The following NPAS2 variants were observed in gnomAD, a reference collection of about 807,000 sequenced individuals.
The protein encoded by NPAS2 is neuronal PAS domain protein 2, also known as neuronal PAS domain-containing protein 2.
A neutral mutation model predicts 107.5 loss-of-function variants in NPAS2; 23 were observed. The ratio of observed to expected loss-of-function variants is 0.21; its 90% CI spans 0.15 to 0.30. The LOEUF (loss-of-function observed/expected upper bound fraction) is 0.30, where lower values mean the gene tolerates loss of function less well. NPAS2 is among the 10% of genes least tolerant of loss of function. The pLI is 1.00. For missense variants in NPAS2, 756 were observed against 1,043.3 expected (o/e 0.72, Z 3.79); for synonymous variants, 403 against 417.5 (o/e 0.97, Z 0.42).
intron 2 of NPAS2, among the ~76,000 whole-genome samples, chr2:100,924,656 C>A (rs1210807567): frequency 6.6e-6 from 1 of 152,210 alleles, no homozygotes; most frequent in East Asian, 1.9e-4. Flanking sequence ...TTGCCTCCCC[C>A]AACAGGGCGA....
chr2:100,835,397 G>A (rs1676993168), intron 1 of NPAS2, among the ~76,000 whole-genome samples: 2 of 152,182 alleles, frequency 1.3e-5, no homozygotes, highest in African/African-American at 2.4e-5. Context: ...TTTTTCTTGA[G>A]CAGGAGGTCA....
chr2:100,965,538 T>C lies in NPAS2; in HGVS notation c.801-122T>C. ...GATTTTGACCATTACAAAGTTATTT[T>C]TCTCCCCTTGTTCTTGAGAAATGAG... On this transcript the variant is annotated intron_variant, in intron 9 of 20. Coordinates refer to ENST00000335681, the MANE Select transcript of NPAS2 (RefSeq NM_002518.4). This position sits in a 1 kb window ranked among gnomAD's most constrained non-coding sequence, Gnocchi z 4.3. 1.6e-6 allele frequency: 1 copy of C among 630,254 alleles called. No individual in the cohort carries two copies. The highest frequency in any genetic ancestry group is 2.8e-6 in the Non-Finnish European group (1 of 356,498). The allele number at this position is 630,254 out of a possible 1,614,324, so 39.0% of individuals were successfully genotyped here.
chr2:100,990,424 T>G lies in NPAS2; in HGVS notation c.1996T>G (p.Phe666Val), dbSNP rs777811242. The change falls in exon 18 of 21, where the codon TTC becomes GTC. Residue 666 changes from phenylalanine to valine, a missense_variant. Phe to Val is a conservative substitution (Grantham distance 50). This residue lies in a region of NPAS2 where 496 missense variants were observed against 594.4 expected (regional missense o/e 0.83). Coordinates refer to ENST00000335681, the MANE Select transcript of NPAS2 (RefSeq NM_002518.4). ...DASQCQPSPD[F>V]SHDRQLRLLL... ...CAGCCAGTGCCAGCCCAGCCCAGAC[T>G]TCAGCCATGATCGGCAGCTCAGGTA... 3 of 1,614,116 alleles carry G rather than the reference T, an allele frequency of 1.9e-6. No individual in the cohort carries two copies. In the East Asian group the frequency reaches 6.7e-5, roughly 36 times the overall value.
At chr2:100,861,059 G>T (rs1219269766) in intron 1 of NPAS2, among the ~76,000 whole-genome samples, 1 of 150,906 alleles carries the variant, frequency 6.6e-6, no homozygotes, top group African/African-American at 2.4e-5. Context: ...TGAAGACGAG[G>T]TCTCACTTTG....
At chr2:100,898,939 A>T (rs774259485) in intron 1 of NPAS2, among the ~76,000 whole-genome samples, 1 of 152,226 alleles carries the variant, frequency 6.6e-6, no homozygotes, top group Non-Finnish European at 1.5e-5. Context: ...TGTTGACAGC[A>T]TGATGTGATA....
At chr2:100,977,568 G>A in intron 14 of NPAS2, 142 bp from the exon 15 acceptor site, 1 of 689,028 alleles carries the variant, frequency 1.5e-6, no homozygotes, top group Non-Finnish European at 2.6e-6. Flanking sequence ...CCAGGGAACA[G>A]ACACCTATAC....
intron 1 of NPAS2, among the ~76,000 whole-genome samples, chr2:100,822,140 C>T (rs1676108000): frequency 6.6e-6 from 1 of 152,184 alleles, no homozygotes; most frequent in South Asian, 2.1e-4. Context: ...GTTTTATTCT[C>T]ACTGCTTCCC....
intron 7 of NPAS2, among the ~76,000 whole-genome samples, chr2:100,957,664 C>T (rs1675649652): frequency 6.6e-6 from 1 of 151,970 alleles, no homozygotes; most frequent in South Asian, 2.1e-4. Flanking sequence ...CGGTGGCTCG[C>T]GCCTGTAATC....
intron 1 of NPAS2, among the ~76,000 whole-genome samples, chr2:100,825,890 A>G (rs983787600): frequency 1.2e-4 from 19 of 152,192 alleles, no homozygotes; most frequent in African/African-American, 4.1e-4. Context: ...GGAAGAATGC[A>G]AAGGTGAAGA....
chr2:100,905,080 T>C (rs530679322), intron 2 of NPAS2, among the ~76,000 whole-genome samples: 7 of 152,314 alleles, frequency 4.6e-5, no homozygotes, highest in Admixed American at 3.9e-4. Flanking sequence ...GGGCTTCTGG[T>C]TACTGCTTTT....
intron 1 of NPAS2, among the ~76,000 whole-genome samples, chr2:100,853,298 C>G (rs1167091767): frequency 1.3e-5 from 2 of 152,172 alleles, no homozygotes; most frequent in East Asian, 3.9e-4. Context: ...CTGAAAAGAA[C>G]AGCATCATAT....
At chr2:100,916,741 T>G (rs141073829) in intron 2 of NPAS2, among the ~76,000 whole-genome samples, 337 of 152,262 alleles carry the variant, frequency 2.2e-3, no homozygotes, top group Admixed American at 4.6e-3. Context: ...TTATACAACA[T>G]TCCACTCAGC....
At chr2:100,896,857 C>A (rs1414334051) in intron 1 of NPAS2, among the ~76,000 whole-genome samples, 3 of 152,052 alleles carry the variant, frequency 2.0e-5, no homozygotes, top group African/African-American at 7.3e-5. Flanking sequence ...CTTCTTCATT[C>A]CTCATGCATT....
chr2:100,934,837 C>T lies in NPAS2; in HGVS notation c.273+1836C>T, dbSNP rs1684197598. ...CATAGCATGGGTCTCTCTCCAGCTG[C>T]CCATCTCTCTGTTTTTTTTCAGAGC... On this transcript the variant is annotated intron_variant, in intron 4 of 20. Coordinates refer to ENST00000335681, the MANE Select transcript of NPAS2 (RefSeq NM_002518.4). 5 of 985,336 alleles carry T rather than the reference C, an allele frequency of 5.1e-6. No individual in the cohort carries two copies. In the South Asian group the frequency reaches 2.3e-4, roughly 46 times the overall value. The allele number at this position is 985,336 out of a possible 1,614,324, so 61.0% of individuals were successfully genotyped here.
In NPAS2 at chr2:100,968,519, C is replaced by A; in HGVS notation, c.1055+91C>A. ...GTGGCCCCTGATGGCCAAGTCAGAT[C>A]AGCAGTCACTCAGGTGTTCCCCATT... is the stretch of plus-strand genomic sequence containing the variant. On this transcript the variant is annotated intron_variant, in intron 11 of 20. Transcript: ENST00000335681. The surrounding 1 kb of genome is among the most constrained non-coding windows in gnomAD (Gnocchi z 5.3). The A allele has an allele frequency of 1.6e-6, 2 of 1,247,840 alleles. No homozygotes were observed. The highest frequency in any genetic ancestry group is 1.1e-6 in the Non-Finnish European group (1 of 882,402). 77.3% of individuals were successfully genotyped at this position (1,247,840 alleles called of 1,614,324 possible).
chr2:100,871,922 G>GAA (rs1679614511), intron 1 of NPAS2, among the ~76,000 whole-genome samples: 3 of 152,082 alleles, frequency 2.0e-5, no homozygotes, highest in African/African-American at 7.2e-5. Flanking sequence ...GTCTTCTGTT[G>GAA]CAGACCCTTT....
intron 1 of NPAS2, among the ~76,000 whole-genome samples, chr2:100,853,242 A>G (rs922349878): frequency 1.3e-5 from 2 of 152,232 alleles, no homozygotes; most frequent in Non-Finnish European, 2.9e-5. Flanking sequence ...AACTAGACCT[A>G]AACAGGAGGA....
At chr2:100,915,663 A>T (rs1377157613) in intron 2 of NPAS2, among the ~76,000 whole-genome samples, 1 of 152,220 alleles carries the variant, frequency 6.6e-6, no homozygotes, top group East Asian at 1.9e-4. Flanking sequence ...TGTTAAAAGA[A>T]AAGAGCTATT....
Position 100,971,719 on chromosome 2 carries a change from C to T in NPAS2, c.1140+645C>T, listed in dbSNP as rs181009430. Among the ~76,000 whole-genome samples, 210 of 152,274 alleles carry T rather than the reference C, an allele frequency of 1.4e-3. 1 individual carries two copies. Among genetic ancestry groups the T allele is most frequent in the African/African-American group, 4.7e-3 (197 of 41,558 alleles). Reference sequence around the variant, plus strand: ...CCTTCCACACACTGAGCCCTCTACTCGCCTCTGCCTAGCCAGACGTCTCTT... The same window carrying T: ...CCTTCCACACACTGAGCCCTCTACTTGCCTCTGCCTAGCCAGACGTCTCTT... On this transcript the variant is annotated intron_variant, in intron 12 of 20. Coordinates refer to ENST00000335681, the MANE Select transcript of NPAS2 (RefSeq NM_002518.4).
Sources: allele counts gnomAD v4.1 joint callset (sites outside exome capture counted in the v4.1 genomes callset), GRCh38; gene constraint gnomAD v4.1.1; regional missense constraint gnomAD v4.1.1; non-coding constraint Gnocchi (gnomAD v3.1); transcripts MANE v1.5; gene names NCBI Gene and HGNC (gene_info 2026-07-23, HGNC 2026-07-21).